The following ANKRD18B variants were observed in gnomAD, a reference collection of about 807,000 sequenced individuals.
The protein encoded by ANKRD18B is ankyrin repeat domain 18B.
A neutral mutation model predicts 111.8 loss-of-function variants in ANKRD18B; 75 were observed. The ratio of observed to expected loss-of-function variants is 0.67; its 90% CI spans 0.56 to 0.81. The LOEUF (loss-of-function observed/expected upper bound fraction) is 0.81. Among genes scored for constraint, ANKRD18B ranks in the 40% least tolerant of loss-of-function variants. The pLI, the probability that ANKRD18B is intolerant of heterozygous loss-of-function variation, is 0.00. For missense variants in ANKRD18B, 1,038 were observed against 1,225.5 expected, an observed-to-expected ratio of 0.85 and a Z score of 2.28; for synonymous variants, 356 against 417.3, an observed-to-expected ratio of 0.85 and a Z score of 1.79.
rs555519540 is a variant in ANKRD18B at position 33,567,174 on chromosome 9, A to G, written c.2814A>G (p.Glu938=). Residue 938 remains glutamate, a synonymous_variant, in exon 16 of 19, where the codon GAA becomes GAG. Coordinates refer to ENST00000684830, the MANE Select transcript of ANKRD18B (RefSeq NM_001393611.1). ...ATACGGCTTCACTAAAAAAGAAGGAACTCACACTTAAAGATGTGGAATGTA... is the reference window on the plus strand; with the variant it reads ...ATACGGCTTCACTAAAAAAGAAGGAGCTCACACTTAAAGATGTGGAATGTA... The part of the protein sequence containing the change: ...KDNTASLKKK[E]LTLKDVECKF... 35 of 1,549,186 alleles carry G rather than the reference A, an allele frequency of 2.3e-5. No individual in the cohort carries two copies. In the South Asian group the frequency reaches 4.1e-4, roughly 18 times the overall value.
Position 33,540,094 on chromosome 9 carries a change from G to T in ANKRD18B, c.879G>T (p.Gln293His), listed in dbSNP as rs1222284485. The change falls in exon 8 of 19, where the codon CAG (glutamine) becomes CAT (histidine). Residue 293 changes from glutamine to histidine, a missense_variant. Transcript: ENST00000684830. ...GGGATGTAGTCTCGCTCTATCACCA[G>T]TCTGGAGTCCAGTGGCATGATCTCA... ...GASSKVSLYH[Q>H]SGVQWHDLRL... 1 of 151,754 alleles carries T rather than the reference G, an allele frequency of 6.6e-6. No individual in the cohort carries two copies. Among genetic ancestry groups the T allele is most frequent in the Non-Finnish European group, 1.5e-5 (1 of 67,952 alleles). The allele number at this position is 151,754 out of a possible 1,614,324, so 9.4% of individuals were successfully genotyped here.
chr9:33,554,414 G>A (rs1471832863), intron 12 of ANKRD18B, among the ~76,000 whole-genome samples: 1 of 152,142 alleles, frequency 6.6e-6, no homozygotes, highest in African/African-American at 2.4e-5. Context: ...TGTACTAGAG[G>A]GAAGAGTCCT....
chr9:33,551,750 T>A (rs1319365559), intron 12 of ANKRD18B, among the ~76,000 whole-genome samples: 2 of 152,178 alleles, frequency 1.3e-5, no homozygotes, highest in South Asian at 2.1e-4. Flanking sequence ...ATGTTTTTAT[T>A]TCCCTGCCAT....
chr9:33,546,930 G>T (rs1828364946), intron 10 of ANKRD18B, among the ~76,000 whole-genome samples: 1 of 152,106 alleles, frequency 6.6e-6, no homozygotes, highest in African/African-American at 2.4e-5. Flanking sequence ...AAACTCAGCA[G>T]TTTCACTCGG....
At chr9:33,541,056 G>A in intron 8 of ANKRD18B, 91 bp from the exon 9 acceptor site, 2 of 1,459,824 alleles carry the variant, frequency 1.4e-6, no homozygotes, top group Non-Finnish European at 9.2e-7. Flanking sequence ...TTTAGGGTAA[G>A]CATGCAGAGT....
rs1194672663 is a variant in ANKRD18B, at chr9:33,529,148, A to C, written c.470A>C (p.His157Pro). Residue 157 changes from histidine (H) to proline (P), a missense_variant, in exon 3 of 19, where the codon CAT becomes CCT. Physicochemically the swap from His to Pro is moderately conservative, Grantham distance 77. Transcript: ENST00000684830. ...CTGGCAGAAAGACTGCTTTCCCACC[A>C]TGCAAATATTGAAGCACTAAACAAG... is the stretch of plus-strand genomic sequence containing the variant. Reference protein sequence around the residue: ...TSLAERLLSHHANIEALNKEG... With the variant: ...TSLAERLLSHPANIEALNKEG... 1 of 1,611,388 alleles carries C rather than the reference A, an allele frequency of 6.2e-7. No homozygotes were observed. Among genetic ancestry groups the C allele is most frequent in the South Asian group, 1.1e-5 (1 of 90,764 alleles).
At chr9:33,528,187 G>A (rs945988596) in intron 1 of ANKRD18B, among the ~76,000 whole-genome samples, 2 of 152,172 alleles carry the variant, frequency 1.3e-5, no homozygotes, top group African/African-American at 4.8e-5. Flanking sequence ...TGTGGTCCCA[G>A]CTATTCAGGA....
chr9:33,550,096 G>A (rs1563904546), intron 11 of ANKRD18B, among the ~76,000 whole-genome samples: 1 of 152,054 alleles, frequency 6.6e-6, no homozygotes, highest in Non-Finnish European at 1.5e-5. Context: ...GAAGGCTGTT[G>A]GAATTTTACT....
At chr9:33,547,783 A>G (rs999771484) in intron 10 of ANKRD18B, among the ~76,000 whole-genome samples, 155 bp from the exon 11 acceptor site, 7 of 151,476 alleles carry the variant, frequency 4.6e-5, no homozygotes, top group African/African-American at 1.7e-4. Flanking sequence ...TATGTTCTCT[A>G]AGGTTCAAGG....
At chr9:33,560,169 G>A (rs1029153759) in intron 14 of ANKRD18B, among the ~76,000 whole-genome samples, 1 of 152,154 alleles carries the variant, frequency 6.6e-6, no homozygotes, top group Non-Finnish European at 1.5e-5. Flanking sequence ...TCATGACCAG[G>A]AAAAATTAGC....
chr9:33,569,944 T>G (rs1321270637), intron 17 of ANKRD18B, among the ~76,000 whole-genome samples: 1 of 152,112 alleles, frequency 6.6e-6, no homozygotes, highest in Non-Finnish European at 1.5e-5. Context: ...ATTACTATAC[T>G]AGGGATATAC....
At chr9:33,533,683 A>C (rs1315070234) in intron 4 of ANKRD18B, 138 bp downstream of exon 4, 1 of 1,399,268 alleles carries the variant, frequency 7.1e-7, no homozygotes, top group South Asian at 1.8e-5. Flanking sequence ...AACATGAATA[A>C]TCAGGTAGAA....
rs1191818324 is a variant in ANKRD18B, at chr9:33,529,777, A to C, written c.495+604A>C. Among the ~76,000 whole-genome samples the C allele has an allele frequency of 2.0e-5, 3 of 152,218 alleles. No individual in the cohort carries two copies. In the East Asian group the frequency reaches 5.8e-4, roughly 29 times the overall value. On this transcript the variant is annotated intron_variant, in intron 3 of 18. Transcript: ENST00000684830. ...TAATCATTTTTGGTTTGGTAAAAAGAGTGACTGAAACTTGCCTAAAGATTA... is the reference window on the plus strand; with the variant it reads ...TAATCATTTTTGGTTTGGTAAAAAGCGTGACTGAAACTTGCCTAAAGATTA...
At chr9:33,547,231 T>C (rs1828369691) in intron 10 of ANKRD18B, among the ~76,000 whole-genome samples, 1 of 152,166 alleles carries the variant, frequency 6.6e-6, no homozygotes, top group East Asian at 1.9e-4. Context: ...CAGAGGTAAC[T>C]GTGATCTGAT....
At position 33,549,164 on chromosome 9, in the gene ANKRD18B, A is replaced by G. The variant is rs139697016; in HGVS notation, c.2067+309A>G. Among the ~76,000 whole-genome samples the G allele has an allele frequency of 3.7e-3, 567 of 152,342 alleles. 5 individuals carry two copies. Among genetic ancestry groups the G allele is most frequent in the African/African-American group, 0.013 (537 of 41,586 alleles). On this transcript the variant is annotated intron_variant, in intron 11 of 18. Transcript: ENST00000684830. Reference sequence around the variant, plus strand: ...GCACGACACAGTAAATTTACTAAAAATCTTTGAACTGTTTGTTAAAACAGA... The same window carrying G: ...GCACGACACAGTAAATTTACTAAAAGTCTTTGAACTGTTTGTTAAAACAGA...
rs1314685972 is a variant in ANKRD18B at position 33,529,153 on chromosome 9, A to G, written c.475A>G (p.Asn159Asp). 2 of 1,611,298 alleles carry G rather than the reference A, an allele frequency of 1.2e-6. No individual in the cohort carries two copies. The highest frequency in any genetic ancestry group is 1.3e-5 in the African/African-American group (1 of 74,834). Residue 159 changes from asparagine to aspartate, a missense_variant, in exon 3 of 19, where the codon AAT becomes GAT. Physicochemically the swap from Asn to Asp is conservative, Grantham distance 23. Coordinates refer to ENST00000684830, the MANE Select transcript of ANKRD18B (RefSeq NM_001393611.1). ...AGAAAGACTGCTTTCCCACCATGCA[A>G]ATATTGAAGCACTAAACAAGGTACA... ...LAERLLSHHA[N>D]IEALNKEGNT...
At position 33,534,399 on chromosome 9, in the gene ANKRD18B, A is replaced by C. The variant is rs1460637875; in HGVS notation, c.632A>C (p.Asn211Thr). 2 of 1,549,626 alleles carry C rather than the reference A, an allele frequency of 1.3e-6. No individual in the cohort carries two copies. Among genetic ancestry groups the C allele is most frequent in the Non-Finnish European group, 1.7e-6 (2 of 1,146,386 alleles). The change falls in exon 5 of 19, where the codon AAC becomes ACC. Residue 211 changes from asparagine (N) to threonine (T), a missense_variant. Coordinates refer to ENST00000684830, the MANE Select transcript of ANKRD18B (RefSeq NM_001393611.1). ...GCCCTCATACTTGCAGTACAGCATA[A>C]CTTGTCAAGTATCGTCACCCTCCTG... ...RTALILAVQH[N>T]LSSIVTLLLQ...
intron 1 of ANKRD18B, among the ~76,000 whole-genome samples, chr9:33,528,256 A>G (rs1039465157): frequency 2.0e-5 from 3 of 152,260 alleles, no homozygotes; most frequent in African/African-American, 7.2e-5. Context: ...AGGCATAAAT[A>G]CACCATTGCA....
chr9:33,524,716 G>T, intron 1 of ANKRD18B, 21 bp downstream of exon 1: 1 of 1,543,854 alleles, frequency 6.5e-7, no homozygotes, highest in South Asian at 1.2e-5. Flanking sequence ...CTCAGCCCTC[G>T]GTGGGAGGGG....
Sources: allele counts gnomAD v4.1 joint callset (sites outside exome capture counted in the v4.1 genomes callset), GRCh38; gene constraint gnomAD v4.1.1; transcripts MANE v1.5; gene names NCBI Gene and HGNC (gene_info 2026-07-23, HGNC 2026-07-21).